The following NFATC4 variants were observed in gnomAD, a reference collection of about 807,000 sequenced individuals.
NFATC4 encodes nuclear factor of activated T-cells, cytoplasmic 4.
A neutral mutation model predicts 73.4 loss-of-function variants in NFATC4; 25 were observed. That is an observed-to-expected ratio of 0.34 (90% CI 0.25 to 0.48). NFATC4 has a LOEUF of 0.48. Ranked by LOEUF, NFATC4 falls within the 20% of genes least tolerant of loss-of-function variation. The pLI is 0.99. For missense variants in NFATC4, 1,130 were observed against 1,203.7 expected, an observed-to-expected ratio of 0.94 and a Z score of 0.91; for synonymous variants, 523 against 510.3, an observed-to-expected ratio of 1.02 and a Z score of -0.34.
chr14:24,377,656 G>C lies in NFATC4; in HGVS notation c.2660G>C (p.Arg887Pro). 2 of 1,614,118 alleles carry C rather than the reference G, an allele frequency of 1.2e-6. No individual in the cohort carries two copies. Among genetic ancestry groups the C allele is most frequent in the South Asian group, 1.1e-5 (1 of 91,070 alleles). ...TTTACAGTGAGTGAGATCATTGGCCGAGACCTGAGTGGCTTCCCTGCACCT... is the reference window on the plus strand; with the variant it reads ...TTTACAGTGAGTGAGATCATTGGCCCAGACCTGAGTGGCTTCCCTGCACCT... ...TLEEVSEIIG[R>P]DLSGFPAPPG... The change falls in exon 10 of 10, where the codon CGA becomes CCA. Residue 887 changes from arginine to proline, a missense_variant. Coordinates refer to ENST00000250373, the MANE Select transcript of NFATC4 (RefSeq NM_004554.5). The surrounding 1 kb of genome is among the most constrained non-coding windows in gnomAD (Gnocchi z 4.2).
chr14:24,368,134 G>A (rs1175939700), upstream of NFATC4: 190 of 1,234,408 alleles, frequency 1.5e-4, no homozygotes, highest in Non-Finnish European at 4.8e-5. Flanking sequence ...GACAGGCTGG[G>A]GGGGGGACCG....
At position 24,377,302 on chromosome 14, in the gene NFATC4, G is replaced by A. The variant is rs1004785999; in HGVS notation, c.2642-336G>A. Reference sequence around the variant, plus strand: ...CGGTGTCTGTGGTCAGGGTTGGTGAGGAGGAGCTTTCCTGTTTTGCCTCTC... The same window carrying A: ...CGGTGTCTGTGGTCAGGGTTGGTGAAGAGGAGCTTTCCTGTTTTGCCTCTC... On this transcript the variant is annotated intron_variant, in intron 9 of 9. Transcript: ENST00000250373. The surrounding 1 kb of genome is among the most constrained non-coding windows in gnomAD (Gnocchi z 4.2). 8.0e-5 allele frequency: 102 copies of A among 1,271,148 alleles called. No individual in the cohort carries two copies. Among genetic ancestry groups the A allele is most frequent in the Non-Finnish European group, 9.0e-5 (91 of 1,008,268 alleles). The allele number at this position is 1,271,148 out of a possible 1,614,324, so 78.7% of individuals were successfully genotyped here.
chr14:24,368,959 C>T, intron 1 of NFATC4: 2 of 902,370 alleles, frequency 2.2e-6, no homozygotes, highest in Non-Finnish European at 2.7e-6. Flanking sequence ...TGCCCCCCTT[C>T]CCCCGGCTGG....
Position 24,369,532 on chromosome 14 carries a change from G to C in NFATC4, c.134G>C (p.Arg45Pro). Residue 45 changes from arginine to proline, a missense_variant, in exon 2 of 10, where the codon CGT becomes CCT. Arg to Pro is a moderately radical substitution (Grantham distance 103, BLOSUM62 -2). Around this residue, in one of 3 missense-constraint regions of NFATC4, gnomAD observed 585 missense variants for 574.3 expected, o/e 1.02. Coordinates refer to ENST00000250373, the MANE Select transcript of NFATC4 (RefSeq NM_004554.5). ...LDSEDAPPCC[R>P]LALGEPPPYG... ...TCAGAGGATGCCCCGCCATGCTGCCGTCTGGCCTTGGGAGAGCCCCCTCCC... is the reference window on the plus strand; with the variant it reads ...TCAGAGGATGCCCCGCCATGCTGCCCTCTGGCCTTGGGAGAGCCCCCTCCC... The C allele has an allele frequency of 6.2e-7, 1 of 1,610,100 alleles. No homozygotes were observed. Among genetic ancestry groups the C allele is most frequent in the Non-Finnish European group, 8.5e-7 (1 of 1,177,338 alleles).
chr14:24,369,472 C>T (rs376137022), intron 1 of NFATC4, 27 bp from the exon 2 acceptor site: 12 of 1,612,694 alleles, frequency 7.4e-6, no homozygotes, highest in African/African-American at 5.3e-5. Context: ...TCCCCCTCTC[C>T]CTCTGCTCCT....
chr14:24,372,005 T>C (rs758028010), intron 2 of NFATC4: 4 of 159,298 alleles, frequency 2.5e-5, no homozygotes, highest in Non-Finnish European at 5.5e-5. Flanking sequence ...AATTTTTTAA[T>C]TTGTAAAACA....
Position 24,373,322 on chromosome 14 carries a change from C to G in NFATC4, c.1511C>G (p.Thr504Ser). The change falls in exon 4 of 10, where the codon ACC becomes AGC. Residue 504 changes from threonine (T) to serine (S), a missense_variant. Thr to Ser is a moderately conservative substitution (Grantham distance 58, BLOSUM62 1). This residue lies in a region of NFATC4 where 155 missense variants were observed against 221.2 expected (regional missense o/e 0.70). Coordinates refer to ENST00000250373, the MANE Select transcript of NFATC4 (RefSeq NM_004554.5). This position sits in a 1 kb window ranked among gnomAD's most constrained non-coding sequence, Gnocchi z 4.7. ...TASYEAVVSG[T>S]KVLEMTLLPE... ...AGCTATGAAGCCGTAGTCAGTGGCA[C>G]CAAGGTGTTGGAGATGACTCTGCTG... 7.4e-6 allele frequency: 12 copies of G among 1,614,212 alleles called. No individual in the cohort carries two copies. Among genetic ancestry groups the G allele is most frequent in the Non-Finnish European group, 1.0e-5 (12 of 1,180,046 alleles).
At chr14:24,368,068 G>GT, upstream of NFATC4, 1 of 1,155,864 alleles carries the variant, frequency 8.7e-7, no homozygotes, top group Non-Finnish European at 1.1e-6. Context: ...GGGGCGCGTG[G>GT]TTTTCCCATC....
chr14:24,369,115 G>A, intron 1 of NFATC4: 1 of 1,432,114 alleles, frequency 7.0e-7, no homozygotes. Flanking sequence ...TCCTGCCAGC[G>A]CCGTTTGGGG....
chr14:24,376,033 A>G lies in NFATC4; in HGVS notation c.1988A>G (p.Gln663Arg). The G allele has an allele frequency of 6.2e-7, 1 of 1,614,064 alleles. No individual in the cohort carries two copies. Among genetic ancestry groups the G allele is most frequent in the Non-Finnish European group, 8.5e-7 (1 of 1,179,970 alleles). ...AACAAGAGGGTTTCCCGGCCAGTCCAGGTCTACTTTTATGTCTCCAATGGG... is the reference window on the plus strand; with the variant it reads ...AACAAGAGGGTTTCCCGGCCAGTCCGGGTCTACTTTTATGTCTCCAATGGG... ...YSNKRVSRPV[Q>R]VYFYVSNGRR... is the part of the protein sequence containing the mutation. Residue 663 changes from glutamine to arginine, a missense_variant, in exon 8 of 10, where the codon CAG becomes CGG. Transcript: ENST00000250373. The surrounding 1 kb of genome is among the most constrained non-coding windows in gnomAD (Gnocchi z 5.0).
intron 3 of NFATC4, 44 bp downstream of exon 3, chr14:24,372,647 G>C: frequency 6.2e-7 from 1 of 1,611,512 alleles, no homozygotes; most frequent in East Asian, 2.2e-5. Context: ...TCCTCTCCCA[G>C]ATAGGTTCCA....
chr14:24,370,827 C>T (rs1035764670), intron 2 of NFATC4, among the ~76,000 whole-genome samples: 8 of 152,208 alleles, frequency 5.3e-5, no homozygotes, highest in African/African-American at 1.9e-4. Context: ...TTAGAAAAAG[C>T]CCCTCCACCC....
intron 7 of NFATC4, 44 bp downstream of exon 7, chr14:24,375,759 G>GGGGGGGGCCC: frequency 4.9e-6 from 3 of 617,010 alleles, no homozygotes; most frequent in South Asian, 1.5e-5. Context: ...GGGGGTGGGA[G>GGGGGGGGCCC]AAGGCAGGGG....
At chr14:24,370,624 C>G (rs529186981) in intron 2 of NFATC4, 30 bp downstream of exon 2, 4 of 1,579,118 alleles carry the variant, frequency 2.5e-6, no homozygotes, top group Middle Eastern at 1.7e-4. Flanking sequence ...CTACCGCTCT[C>G]TCTAGCCATT....
At chr14:24,366,932 G>A, upstream of NFATC4, 7 of 1,533,758 alleles carry the variant, frequency 4.6e-6, no homozygotes, top group Non-Finnish European at 5.2e-6. Flanking sequence ...ACCTGGGGCC[G>A]TCGCTTAACC....
chr14:24,374,584 T>C (rs2042563357), intron 6 of NFATC4, 118 bp downstream of exon 6: 1 of 985,096 alleles, frequency 1.0e-6, no homozygotes, highest in Non-Finnish European at 1.5e-6. Flanking sequence ...ATTTGTAAAA[T>C]GGGACAGACA....
At position 24,373,498 on chromosome 14, in the gene NFATC4, C is replaced by T. The variant is rs2042528945; in HGVS notation, c.1559+128C>T. ...TTTTTCCTAGGAGCTGGCTTCAGGC[C>T]TACCCACCATCTGGAAGAGGACTTT... On this transcript the variant is annotated intron_variant, in intron 4 of 9. Coordinates refer to ENST00000250373, the MANE Select transcript of NFATC4 (RefSeq NM_004554.5). This position sits in a 1 kb window ranked among gnomAD's most constrained non-coding sequence, Gnocchi z 4.7. 7.3e-7 allele frequency: 1 copy of T among 1,373,734 alleles called. No homozygotes were observed. Among genetic ancestry groups the T allele is most frequent in the Non-Finnish European group, 1.0e-6 (1 of 1,003,562 alleles). The allele number at this position is 1,373,734 out of a possible 1,614,324, so 85.1% of individuals were successfully genotyped here.
chr14:24,375,759 G>GCCAC, intron 7 of NFATC4, 44 bp downstream of exon 7: 1 of 617,008 alleles, frequency 1.6e-6, no homozygotes, highest in Non-Finnish European at 3.0e-6. Context: ...GGGGGTGGGA[G>GCCAC]AAGGCAGGGG....
intron 2 of NFATC4, chr14:24,372,114 T>A (rs1465369771): frequency 3.7e-6 from 1 of 271,144 alleles, no homozygotes; most frequent in Non-Finnish European, 6.9e-6. Flanking sequence ...ATCCTCTGTA[T>A]CCAAGTGAAG....
Sources: allele counts gnomAD v4.1 joint callset (sites outside exome capture counted in the v4.1 genomes callset), GRCh38; gene constraint gnomAD v4.1.1; regional missense constraint gnomAD v4.1.1; non-coding constraint Gnocchi (gnomAD v3.1); transcripts MANE v1.5; gene names NCBI Gene and HGNC (gene_info 2026-07-23, HGNC 2026-07-21).